The following PTPDC1 variants were observed in gnomAD, a reference collection of about 807,000 sequenced individuals.
The protein encoded by PTPDC1 is protein tyrosine phosphatase domain-containing protein 1.
A neutral mutation model predicts 75.3 loss-of-function variants in PTPDC1; 53 were observed. The observed-to-expected ratio is 0.70, with a 90% CI of 0.56 to 0.88. The LOEUF (loss-of-function observed/expected upper bound fraction) is 0.88. Ranked by LOEUF, PTPDC1 falls within the 40% of genes least tolerant of loss-of-function variation. PTPDC1 has a pLI of 0.00. For synonymous variants in PTPDC1, 349 were observed against 366.2 expected (o/e 0.95, Z 0.54); for missense variants, 925 against 998.6 (o/e 0.93, Z 0.99).
chr9:94,072,432 T>C (rs1285285954), intron 2 of PTPDC1, among the ~76,000 whole-genome samples: 4 of 152,214 alleles, frequency 2.6e-5, no homozygotes, highest in Admixed American at 2.6e-4. Context: ...CTGGGAAGTT[T>C]TTGGTGATTC....
At position 94,085,488 on chromosome 9, in the gene PTPDC1, G is replaced by A. The variant is rs1827041229; in HGVS notation, c.416+66G>A. The A allele has an allele frequency of 5.8e-6, 9 of 1,555,956 alleles. No homozygotes were observed. The South Asian group carries it at 8.1e-5, about 14-fold the overall frequency. ...AGGAAGGACACTCTGTGTGAGCCAGGAGCCCTGAAGTGTGGGAGGAGCAGT... is the reference window on the plus strand; with the variant it reads ...AGGAAGGACACTCTGTGTGAGCCAGAAGCCCTGAAGTGTGGGAGGAGCAGT... On this transcript the variant is annotated intron_variant, in intron 2 of 8. Transcript: ENST00000620992.
intron 2 of PTPDC1, among the ~76,000 whole-genome samples, chr9:94,067,291 G>C (rs1007902466): frequency 1.3e-5 from 2 of 151,974 alleles, no homozygotes; most frequent in African/African-American, 4.8e-5. Context: ...TCGAGAGGCT[G>C]AGGCAGGAGA....
chr9:94,043,028 T>G (rs1187478810), intron 1 of PTPDC1, among the ~76,000 whole-genome samples: 1 of 152,224 alleles, frequency 6.6e-6, no homozygotes, highest in Non-Finnish European at 1.5e-5. Context: ...CCACTTCTAA[T>G]TCTACTTCTC....
At chr9:94,075,422 G>A (rs1268463189) in intron 2 of PTPDC1, among the ~76,000 whole-genome samples, 3 of 152,214 alleles carry the variant, frequency 2.0e-5, no homozygotes, top group Non-Finnish European at 4.4e-5. Flanking sequence ...CTGGGGGTTG[G>A]AAGATGATGT....
chr9:94,046,843 C>T (rs1244024699), intron 1 of PTPDC1, among the ~76,000 whole-genome samples: 1 of 152,198 alleles, frequency 6.6e-6, no homozygotes, highest in Non-Finnish European at 1.5e-5. Context: ...TTATTTCCTT[C>T]TCCTGCCTGA....
chr9:94,088,861 G>C (rs930379350), intron 4 of PTPDC1, among the ~76,000 whole-genome samples: 2 of 152,102 alleles, frequency 1.3e-5, no homozygotes, highest in Non-Finnish European at 2.9e-5. Context: ...ACACTAGATA[G>C]AAAATCCATA....
At chr9:94,045,968 A>G (rs931794268) in intron 1 of PTPDC1, among the ~76,000 whole-genome samples, 3 of 152,142 alleles carry the variant, frequency 2.0e-5, no homozygotes, top group Non-Finnish European at 4.4e-5. Context: ...TAGAGTTTTT[A>G]TGGTTTTAGG....
Position 94,098,398 on chromosome 9 carries a change from C to G in PTPDC1, c.1832C>G (p.Ala611Gly). ...SPLDCGSSPK[A>G]QFLVEHETQD... ...CTGGACTGTGGCTCCAGTCCCAAAG[C>G]ACAGTTCTTGGTTGAACATGAAACC... is the stretch of plus-strand genomic sequence containing the variant. The change falls in exon 6 of 9, where the codon GCA becomes GGA. Residue 611 changes from alanine to glycine, a missense_variant. Physicochemically the swap from Ala to Gly is moderately conservative, Grantham distance 60. Transcript: ENST00000620992. The G allele has an allele frequency of 1.9e-6, 3 of 1,614,202 alleles. No individual in the cohort carries two copies. Among genetic ancestry groups the G allele is most frequent in the Non-Finnish European group, 2.5e-6 (3 of 1,180,038 alleles).
At chr9:94,040,542 A>G (rs1290885459) in intron 1 of PTPDC1, among the ~76,000 whole-genome samples, 3 of 152,156 alleles carry the variant, frequency 2.0e-5, no homozygotes, top group Admixed American at 2.0e-4. Flanking sequence ...AGTAAAAACT[A>G]ATTTTTAAAG....
At chr9:94,082,716 C>T (rs533991017), upstream of PTPDC1, among the ~76,000 whole-genome samples, 1 of 152,256 alleles carries the variant, frequency 6.6e-6, no homozygotes, top group African/African-American at 2.4e-5. Flanking sequence ...TTGCGTTAGG[C>T]TTGACTTCCT....
At chr9:94,063,966 G>A (rs1372442363) in intron 1 of PTPDC1, among the ~76,000 whole-genome samples, 5 of 152,088 alleles carry the variant, frequency 3.3e-5, no homozygotes, top group Admixed American at 2.0e-4. Flanking sequence ...CGTTTGAATC[G>A]TGTTATTTTA....
At chr9:94,055,963 G>T (rs1319838668) in intron 1 of PTPDC1, among the ~76,000 whole-genome samples, 9 of 152,066 alleles carry the variant, frequency 5.9e-5, no homozygotes, top group Non-Finnish European at 1.3e-4. Context: ...GTTAACTATG[G>T]ACTTTGGGTG....
intron 1 of PTPDC1, among the ~76,000 whole-genome samples, chr9:94,044,336 G>A (rs529698740): frequency 6.6e-6 from 1 of 152,286 alleles, no homozygotes; most frequent in Non-Finnish European, 1.5e-5. Context: ...GGGTACATGT[G>A]CAGGATGTGC....
chr9:94,036,035 G>GTTTTTTTTTTTT (rs563126003), intron 1 of PTPDC1, among the ~76,000 whole-genome samples: 3 of 118,666 alleles, frequency 2.5e-5, no homozygotes, highest in African/African-American at 3.1e-5. Flanking sequence ...TTTTTTTTTT[G>GTTTTTTTTTTTT]TTTTTTTTTT....
chr9:94,056,242 A>C (rs1320856179), intron 1 of PTPDC1, among the ~76,000 whole-genome samples: 1 of 152,142 alleles, frequency 6.6e-6, no homozygotes, highest in Admixed American at 6.6e-5. Flanking sequence ...TTTAGTTATT[A>C]TTATTATATT....
At chr9:94,091,972 C>G (rs1250350475) in intron 4 of PTPDC1, among the ~76,000 whole-genome samples, 190 of 149,636 alleles carry the variant, frequency 1.3e-3, no homozygotes, top group Non-Finnish European at 1.8e-3. Flanking sequence ...ATTCTTCTCT[C>G]TTTTTTTCTT....
At chr9:94,105,860 C>A (rs1475500474) in intron 8 of PTPDC1, among the ~76,000 whole-genome samples, 1 of 151,646 alleles carries the variant, frequency 6.6e-6, no homozygotes, top group South Asian at 2.1e-4. Context: ...GTAGTCCCAG[C>A]TACTCGGGAG....
chr9:94,102,410 A>G (rs1429250430), intron 7 of PTPDC1, among the ~76,000 whole-genome samples: 1 of 151,862 alleles, frequency 6.6e-6, no homozygotes, highest in Non-Finnish European at 1.5e-5. Flanking sequence ...ATATAGAAGG[A>G]GAAATAAGAA....
intron 4 of PTPDC1, among the ~76,000 whole-genome samples, chr9:94,092,909 C>T (rs1827382324): frequency 6.6e-6 from 1 of 151,212 alleles, no homozygotes; most frequent in Non-Finnish European, 1.5e-5. Context: ...ATTGCAACCC[C>T]TGCCTTTTTT....
Sources: allele counts gnomAD v4.1 joint callset (sites outside exome capture counted in the v4.1 genomes callset), GRCh38; gene constraint gnomAD v4.1.1; transcripts MANE v1.5; gene names NCBI Gene and HGNC (gene_info 2026-07-23, HGNC 2026-07-21).